ITGA1: variants seen among roughly 807,000 people sequenced by gnomAD.
ITGA1 encodes integrin alpha-1.
ITGA1 carries 85 observed loss-of-function variants against 145.9 expected under a neutral mutation model. The observed-to-expected ratio is 0.58, with a 90% CI of 0.49 to 0.70. The LOEUF (loss-of-function observed/expected upper bound fraction) is 0.70, where lower values mean the gene tolerates loss of function less well. Ranked by LOEUF, ITGA1 falls within the 30% of genes least tolerant of loss-of-function variation. The probability of loss-of-function intolerance (pLI) is 0.00; values close to 1 mark genes in which losing one functional copy is unlikely to be tolerated. For synonymous variants in ITGA1, 520 were observed against 495.3 expected, an observed-to-expected ratio of 1.05 and a Z score of -0.66; for missense variants, 1,351 against 1,418.7, an observed-to-expected ratio of 0.95 and a Z score of 0.77.
intron 9 of ITGA1, among the ~76,000 whole-genome samples, chr5:52,894,950 G>A (rs1334063382): frequency 6.6e-6 from 1 of 152,060 alleles, no homozygotes; most frequent in East Asian, 1.9e-4. Context: ...TTTTTTGAGT[G>A]TGACTCACGA....
At position 52,920,456 on chromosome 5, in the gene ITGA1, C is replaced by A. The variant is rs1750714464; in HGVS notation, c.2280C>A (p.Ser760=). 1 of 1,597,846 alleles carries A rather than the reference C, an allele frequency of 6.3e-7. No individual in the cohort carries two copies. Among genetic ancestry groups the A allele is most frequent in the African/African-American group, 1.4e-5 (1 of 74,056 alleles). The part of the protein sequence containing the change: ...TVRKSECTKH[S]FYMLDKHDFQ... ...GAAAATCAGAATGCACTAAGCACTC[C>A]TTCTACATGTTGGCAAGTAAATCAT... Residue 760 remains serine (S), a synonymous_variant, in exon 17 of 29, where the codon TCC becomes TCA. Transcript: ENST00000282588.
Position 52,929,625 on chromosome 5 carries a change from G to A in ITGA1, c.2695G>A (p.Val899Ile), listed in dbSNP as rs1483522137. 5 of 1,476,092 alleles carry A rather than the reference G, an allele frequency of 3.4e-6. No individual in the cohort carries two copies. The highest frequency in any genetic ancestry group is 1.4e-5 in the African/African-American group (1 of 71,424). 91.4% of individuals were successfully genotyped at this position (1,476,092 alleles called of 1,614,324 possible). A position where few individuals can be genotyped will look rare whatever the true frequency, so the allele number is the denominator to read the frequency against. Reference sequence around the variant, plus strand: ...CTAAAGACATATTTTTATTTTATAGGTAACTTTCAAAATATTGTTTCAGTT... The same window carrying A: ...CTAAAGACATATTTTTATTTTATAGATAACTTTCAAAATATTGTTTCAGTT... ...GYPFLRRGEM[V>I]TFKILFQFNT... The change falls in exon 21 of 29, where the codon GTA becomes ATA. Residue 899 changes from valine to isoleucine, a missense_variant and splice_region_variant. Physicochemically the swap from Val to Ile is conservative, Grantham distance 29 (BLOSUM62 3). Transcript: ENST00000282588.
chr5:52,913,350 G>A (rs116540042), intron 14 of ITGA1, among the ~76,000 whole-genome samples: 60 of 152,212 alleles, frequency 3.9e-4, no homozygotes, highest in African/African-American at 1.4e-3. Flanking sequence ...CCATTAAGTT[G>A]ATATATTTTC....
Position 52,789,618 on chromosome 5 carries a change from C to T in ITGA1, c.61+1204C>T, listed in dbSNP as rs369930050. Among the ~76,000 whole-genome samples the T allele has an allele frequency of 1.2e-4, 19 of 152,334 alleles. No homozygotes were observed. The South Asian group carries it at 3.9e-3, about 32-fold the overall frequency. ...CTCAGGAAATGTCCAATAATCCAAACAGTGGTAACTGCTGAACAGCATTAT... is the reference window on the plus strand; with the variant it reads ...CTCAGGAAATGTCCAATAATCCAAATAGTGGTAACTGCTGAACAGCATTAT... On this transcript the variant is annotated intron_variant, in intron 1 of 28. Transcript: ENST00000282588.
At chr5:52,942,593 C>A (rs747791783) in intron 26 of ITGA1, among the ~76,000 whole-genome samples, 2 of 150,280 alleles carry the variant, frequency 1.3e-5, no homozygotes, top group Non-Finnish European at 3.0e-5. Context: ...TCCAGTGGCG[C>A]GACCTTGGCT....
At chr5:52,951,499 A>T (rs1178896177) in intron 28 of ITGA1, among the ~76,000 whole-genome samples, 1 of 152,180 alleles carries the variant, frequency 6.6e-6, no homozygotes, top group Non-Finnish European at 1.5e-5. Flanking sequence ...CTCACCATCC[A>T]CCACGATGTG....
At chr5:52,869,282 T>C (rs1159357777) in intron 6 of ITGA1, among the ~76,000 whole-genome samples, 2 of 152,182 alleles carry the variant, frequency 1.3e-5, no homozygotes, top group East Asian at 1.9e-4. Flanking sequence ...TGCCTCAGCC[T>C]TCTGAGTAGC....
intron 25 of ITGA1, 57 bp from the exon 26 acceptor site, chr5:52,939,783 A>G (rs1463530304): frequency 3.5e-6 from 5 of 1,433,434 alleles, no homozygotes; most frequent in African/African-American, 1.4e-5. Flanking sequence ...GAATTTAAAT[A>G]TAGATATTTG....
chr5:52,942,613 C>G (rs1040086008), intron 26 of ITGA1, among the ~76,000 whole-genome samples: 1 of 151,102 alleles, frequency 6.6e-6, no homozygotes, highest in Admixed American at 6.6e-5. Flanking sequence ...TCACTGCAAG[C>G]TCCGCCTCCC....
At chr5:52,790,473 C>T (rs924945577) in intron 1 of ITGA1, among the ~76,000 whole-genome samples, 13 of 152,194 alleles carry the variant, frequency 8.5e-5, no homozygotes, top group African/African-American at 2.9e-4. Flanking sequence ...AAGATGTCAC[C>T]AGGGCTGCAT....
At chr5:52,871,004 C>T (rs1194984846) in intron 6 of ITGA1, among the ~76,000 whole-genome samples, 3 of 152,218 alleles carry the variant, frequency 2.0e-5, no homozygotes, top group African/African-American at 7.2e-5. Context: ...TTCCCTACCT[C>T]TGTCCCTGGA....
At chr5:52,898,404 T>C in intron 11 of ITGA1, 21 bp downstream of exon 11, 1 of 1,561,804 alleles carries the variant, frequency 6.4e-7, no homozygotes, top group South Asian at 1.2e-5. Flanking sequence ...GATATAATTA[T>C]AAAAGAGTTG....
chr5:52,895,969 A>G (rs1750217588), intron 9 of ITGA1, among the ~76,000 whole-genome samples: 1 of 152,162 alleles, frequency 6.6e-6, no homozygotes, highest in Admixed American at 6.5e-5. Context: ...GTGATTATGA[A>G]ATTTCTGTTT....
intron 6 of ITGA1, among the ~76,000 whole-genome samples, chr5:52,872,392 CT>C (rs1198841335): frequency 6.6e-6 from 1 of 151,936 alleles, no homozygotes; most frequent in Non-Finnish European, 1.5e-5. Context: ...CCATCAGGCA[CT>C]AGAATAATCA....
chr5:52,801,809 A>G (rs1748494528), intron 1 of ITGA1: 1 of 1,611,946 alleles, frequency 6.2e-7, no homozygotes, highest in Non-Finnish European at 8.5e-7. Context: ...CTTTCTGACC[A>G]AGAGGGTGAT....
At chr5:52,809,502 C>CA (rs760725137) in intron 1 of ITGA1, among the ~76,000 whole-genome samples, 1 of 122,438 alleles carries the variant, frequency 8.2e-6, no homozygotes, top group Non-Finnish European at 1.7e-5. Context: ...CTCAACTTTA[C>CA]TTTTTTTTTT....
Position 52,887,792 on chromosome 5 carries a change from T to G in ITGA1, c.774-23T>G, listed in dbSNP as rs376592973. ...TGTAAAGTGGTGTCTTATCAACCTC[T>G]CTTTTGTTTGTGATTACTTTAGAAA... On this transcript the variant is annotated intron_variant, in intron 7 of 28. Coordinates refer to ENST00000282588, the MANE Select transcript of ITGA1 (RefSeq NM_181501.2). 36 of 1,601,706 alleles carry G rather than the reference T, an allele frequency of 2.2e-5. 1 individual carries two copies. The African/African-American group carries it at 4.2e-4, about 19-fold the overall frequency.
At chr5:52,819,741 G>A (rs1748837087) in intron 1 of ITGA1, among the ~76,000 whole-genome samples, 1 of 152,156 alleles carries the variant, frequency 6.6e-6, no homozygotes, top group Admixed American at 6.6e-5. Flanking sequence ...GTCCTGAATG[G>A]TATTGCCTAG....
chr5:52,840,781 G>C (rs1339491002), intron 1 of ITGA1, among the ~76,000 whole-genome samples: 1 of 152,154 alleles, frequency 6.6e-6, no homozygotes, highest in African/African-American at 2.4e-5. Flanking sequence ...TATAAAATGG[G>C]ACAACTTCTT....
Sources: allele counts gnomAD v4.1 joint callset (sites outside exome capture counted in the v4.1 genomes callset), GRCh38; gene constraint gnomAD v4.1.1; transcripts MANE v1.5; gene names NCBI Gene and HGNC (gene_info 2026-07-23, HGNC 2026-07-21).